The following ITPRID1 variants were observed in gnomAD, a reference collection of about 807,000 sequenced individuals.
ITPRID1 encodes the protein ITPR interacting domain containing 1, also known as protein ITPRID1.
A neutral mutation model predicts 95.4 loss-of-function variants in ITPRID1; 96 were observed. The observed-to-expected ratio is 1.01, with a 90% confidence interval of 0.85 to 1.19. The LOEUF is 1.19. Among genes scored for constraint, ITPRID1 ranks in the 50% most tolerant of loss-of-function variants. The pLI, the probability that ITPRID1 is intolerant of heterozygous loss-of-function variation, is 0.00. For missense variants in ITPRID1, 1,339 were observed against 1,252.9 expected, an observed-to-expected ratio of 1.07 and a Z score of -1.04; for synonymous variants, 510 against 453.6, an observed-to-expected ratio of 1.12 and a Z score of -1.58.
chr7:31,643,700 A>G lies in ITPRID1; in HGVS notation c.2330A>G (p.Gln777Arg). Residue 777 changes from glutamine to arginine, a missense_variant, in exon 12 of 15, where the codon CAG (glutamine) becomes CGG (arginine). Gln to Arg is a conservative substitution (Grantham distance 43). Coordinates refer to ENST00000615280, the MANE Select transcript of ITPRID1 (RefSeq NM_001257967.3). ...LSNKTLTHGPQPLTKSVSLDS... is the reference protein window; with the variant it reads ...LSNKTLTHGPRPLTKSVSLDS... ...AACAAGACCTTGACACATGGGCCCC[A>G]GCCCCTCACCAAATCCGTCTCTCTA... The G allele has an allele frequency of 6.2e-7, 1 of 1,614,048 alleles. No individual in the cohort carries two copies. The highest frequency in any genetic ancestry group is 8.5e-7 in the Non-Finnish European group (1 of 1,179,898).
rs1332451516 is a variant in ITPRID1, at chr7:31,519,645, T to TATATATATAA, written c.-98+5526_-98+5527insTATATATAAA. Among the ~76,000 whole-genome samples the TATATATATAA allele has an allele frequency of 2.2e-3, 257 of 114,992 alleles. 9 individuals carry two copies. The highest frequency in any genetic ancestry group is 6.3e-3 in the African/African-American group (177 of 28,008). The allele number at this position is 114,992 out of a possible 152,430, so 75.4% of individuals were successfully genotyped here. ...CTATATATATATATATATATATATA[T>TATATATATAA]AAATCTTATGTTATCCTGCTGGTAT... On this transcript the variant is annotated intron_variant, in intron 1 of 14. Coordinates refer to ENST00000615280, the MANE Select transcript of ITPRID1 (RefSeq NM_001257967.3).
At chr7:31,607,588 A>G (rs1786680522) in intron 10 of ITPRID1, among the ~76,000 whole-genome samples, 1 of 152,068 alleles carries the variant, frequency 6.6e-6, no homozygotes, top group Non-Finnish European at 1.5e-5. Flanking sequence ...ATAGATTTTC[A>G]TTTTGACTCT....
At chr7:31,519,307 C>G (rs558464925) in intron 1 of ITPRID1, among the ~76,000 whole-genome samples, 1 of 152,168 alleles carries the variant, frequency 6.6e-6, no homozygotes, top group East Asian at 1.9e-4. Context: ...AGGAGGGGCA[C>G]ATAGCTCAGA....
intron 10 of ITPRID1, among the ~76,000 whole-genome samples, chr7:31,606,291 C>T (rs536164522): frequency 2.0e-4 from 30 of 151,988 alleles, no homozygotes; most frequent in Non-Finnish European, 4.1e-4. Flanking sequence ...CTGTTAATCC[C>T]GTGTGTAGGA....
intron 1 of ITPRID1, among the ~76,000 whole-genome samples, chr7:31,530,139 C>T (rs1783549051): frequency 6.6e-6 from 1 of 152,080 alleles, no homozygotes; most frequent in Non-Finnish European, 1.5e-5. Context: ...CAAAATTGCT[C>T]GGTTATATAG....
At chr7:31,617,117 C>T (rs981968541) in intron 10 of ITPRID1, among the ~76,000 whole-genome samples, 3 of 152,050 alleles carry the variant, frequency 2.0e-5, no homozygotes, top group Non-Finnish European at 4.4e-5. Flanking sequence ...GAGCTCGTCC[C>T]GGTATAATTT....
intron 1 of ITPRID1, among the ~76,000 whole-genome samples, chr7:31,531,245 T>A (rs1783587171): frequency 6.6e-6 from 1 of 152,192 alleles, no homozygotes; most frequent in Admixed American, 6.5e-5. Flanking sequence ...TAAAGCAAGT[T>A]GATAAATTTT....
At chr7:31,543,852 A>G (rs1230085843) in intron 1 of ITPRID1, among the ~76,000 whole-genome samples, 1 of 152,088 alleles carries the variant, frequency 6.6e-6, no homozygotes, top group Non-Finnish European at 1.5e-5. Flanking sequence ...ATCCAAGGGC[A>G]TCTAGATTTT....
chr7:31,585,844 T>TA (rs1283133637), intron 10 of ITPRID1, among the ~76,000 whole-genome samples: 3 of 152,100 alleles, frequency 2.0e-5, no homozygotes, highest in Non-Finnish European at 4.4e-5. Context: ...CTTTTTTTTT[T>TA]ATTATTATTA....
intron 10 of ITPRID1, among the ~76,000 whole-genome samples, chr7:31,629,053 A>G (rs530924494): frequency 6.6e-6 from 1 of 152,176 alleles, no homozygotes; most frequent in Admixed American, 6.5e-5. Context: ...AAACCTATCT[A>G]TTGTCTCAGG....
At chr7:31,651,456 G>A (rs1790942044) in intron 13 of ITPRID1, among the ~76,000 whole-genome samples, 187 bp downstream of exon 13, 1 of 152,104 alleles carries the variant, frequency 6.6e-6, no homozygotes, top group Non-Finnish European at 1.5e-5. Context: ...TTGCTAGATA[G>A]CAATACTTAT....
chr7:31,619,736 G>T (rs924241488), intron 10 of ITPRID1, among the ~76,000 whole-genome samples: 1 of 152,084 alleles, frequency 6.6e-6, no homozygotes, highest in Non-Finnish European at 1.5e-5. Flanking sequence ...ATCTCACTAG[G>T]GAGTGCCAGA....
intron 11 of ITPRID1, 25 bp from the exon 12 acceptor site, chr7:31,642,657 C>T: frequency 6.2e-7 from 1 of 1,601,904 alleles, no homozygotes. Context: ...TGACCTGTTT[C>T]CCTTTGTCCT....
intron 10 of ITPRID1, among the ~76,000 whole-genome samples, chr7:31,588,631 C>CAAAAAAAAA (rs57245935): frequency 2.3e-5 from 1 of 42,566 alleles, no homozygotes; most frequent in African/African-American, 9.5e-5. Context: ...TACTCTGTCT[C>CAAAAAAAAA]AAAAAAAAAA....
At chr7:31,533,627 T>C (rs1388719379) in intron 1 of ITPRID1, among the ~76,000 whole-genome samples, 2 of 152,204 alleles carry the variant, frequency 1.3e-5, no homozygotes, top group South Asian at 4.1e-4. Flanking sequence ...TCTAATTACT[T>C]CCTCTGCATC....
intron 10 of ITPRID1, among the ~76,000 whole-genome samples, chr7:31,629,939 A>C (rs1212065068): frequency 6.6e-6 from 1 of 152,244 alleles, no homozygotes; most frequent in East Asian, 1.9e-4. Flanking sequence ...TAAAATATAC[A>C]AACATGATAT....
intron 10 of ITPRID1, among the ~76,000 whole-genome samples, chr7:31,599,735 T>C (rs925393184): frequency 1.3e-5 from 2 of 151,312 alleles, no homozygotes; most frequent in African/African-American, 4.9e-5. Context: ...GGAGTCTCTC[T>C]CTGTCGCCCA....
At position 31,643,968 on chromosome 7, in the gene ITPRID1, T is replaced by C. The variant is rs757631043; in HGVS notation, c.2583+15T>C. 3 of 1,582,132 alleles carry C rather than the reference T, an allele frequency of 1.9e-6. No homozygotes were observed. In the South Asian group the frequency reaches 3.5e-5, roughly 18 times the overall value. ...AGCTATGTTCCGTAAGTGTTCACCC[T>C]GGCAAAGATGGAAAGGCAGATGCAC... is the stretch of plus-strand genomic sequence containing the variant. On this transcript the variant is annotated intron_variant, in intron 12 of 14. Transcript: ENST00000615280.
intron 10 of ITPRID1, among the ~76,000 whole-genome samples, chr7:31,611,507 A>G (rs1268997264): frequency 6.6e-6 from 1 of 151,766 alleles, no homozygotes; most frequent in Non-Finnish European, 1.5e-5. Flanking sequence ...AGTTTTTCTT[A>G]TATTGCAGTT....
Sources: allele counts gnomAD v4.1 joint callset (sites outside exome capture counted in the v4.1 genomes callset), GRCh38; gene constraint gnomAD v4.1.1; transcripts MANE v1.5; gene names NCBI Gene and HGNC (gene_info 2026-07-23, HGNC 2026-07-21).